Variants in COL4A4 observed in about 807,000 individuals in gnomAD.
The protein encoded by COL4A4 is collagen alpha-4(IV) chain.
Under a neutral mutation model 192.9 loss-of-function variants are expected in COL4A4, and 105 were observed. The observed-to-expected ratio is 0.54, with a 90% CI of 0.46 to 0.64. The LOEUF is 0.64. Among genes scored for constraint, COL4A4 ranks in the 30% least tolerant of loss-of-function variants. The probability of loss-of-function intolerance (pLI) is 0.00; values close to 1 mark genes in which losing one functional copy is unlikely to be tolerated. For synonymous variants in COL4A4, 762 were observed against 769.9 expected (o/e 0.99, Z 0.17); for missense variants, 1,967 against 2,169.3 (o/e 0.91, Z 1.85).
intron 47 of COL4A4, 35 bp from the exon 48 acceptor site, chr2:227,007,623 C>G: frequency 6.2e-7 from 1 of 1,611,906 alleles, no homozygotes; most frequent in Non-Finnish European, 8.5e-7. Flanking sequence ...AGGGCTCAGA[C>G]ACACACAGAC....
intron 23 of COL4A4, among the ~76,000 whole-genome samples, chr2:227,081,681 G>C (rs984170437): frequency 6.6e-6 from 1 of 151,980 alleles, no homozygotes; most frequent in Admixed American, 6.6e-5. Context: ...TCTGTCCCTG[G>C]GGAACTCTTA....
intron 6 of COL4A4, 118 bp from the exon 7 acceptor site, chr2:227,118,879 T>C: frequency 1.3e-6 from 1 of 751,368 alleles, no homozygotes; most frequent in Non-Finnish European, 2.3e-6. Flanking sequence ...TGTTTAGTTT[T>C]GTGAAACTTT....
intron 37 of COL4A4, among the ~76,000 whole-genome samples, chr2:227,034,417 G>C (rs1969112993): frequency 6.6e-6 from 1 of 152,126 alleles, no homozygotes; most frequent in Non-Finnish European, 1.5e-5. Context: ...TGAGCCATCT[G>C]CTGGGTGCCT....
intron 4 of COL4A4, among the ~76,000 whole-genome samples, chr2:227,135,606 C>T (rs2062759969): frequency 6.6e-6 from 1 of 151,950 alleles, no homozygotes; most frequent in Non-Finnish European, 1.5e-5. Flanking sequence ...GGCCTGACCA[C>T]CAGCTCAGCT....
chr2:226,998,275 T>A (rs1959985384), downstream of COL4A4: 2 of 152,246 alleles, frequency 1.3e-5, no homozygotes, highest in African/African-American at 4.8e-5. Context: ...AATTGCCTGC[T>A]GCAGTAAATA....
At chr2:227,155,168 G>T (rs2064236944) in intron 1 of COL4A4, among the ~76,000 whole-genome samples, 1 of 152,136 alleles carries the variant, frequency 6.6e-6, no homozygotes, top group Non-Finnish European at 1.5e-5. Context: ...GCTGGACTAT[G>T]GCCAAGCCCA....
rs370328730 is a variant in COL4A4 at position 227,033,396 on chromosome 2, G to C, written c.3577+14C>G. On this transcript the variant is annotated intron_variant, in intron 38 of 47. Coordinates refer to ENST00000396625, the MANE Select transcript of COL4A4 (RefSeq NM_000092.5). ...ACTGAAGCTCAGTCTGTTACGAATCGATTAGGTGCTTACCTGAAGCACCTT... is the reference window on the plus strand; with the variant it reads ...ACTGAAGCTCAGTCTGTTACGAATCCATTAGGTGCTTACCTGAAGCACCTT... 5.0e-6 allele frequency: 8 copies of C among 1,602,616 alleles called. No homozygotes were observed. Among genetic ancestry groups the C allele is most frequent in the Non-Finnish European group, 6.0e-6 (7 of 1,170,514 alleles).
At chr2:227,116,758 T>C (rs2061511476) in intron 7 of COL4A4, among the ~76,000 whole-genome samples, 1 of 152,180 alleles carries the variant, frequency 6.6e-6, no homozygotes, top group South Asian at 2.1e-4. Flanking sequence ...GATGACAGCG[T>C]CCTAGGTAAA....
intron 17 of COL4A4, 126 bp downstream of exon 17, chr2:227,101,378 A>G (rs1362907737): frequency 1.2e-6 from 1 of 802,712 alleles, no homozygotes; most frequent in African/African-American, 1.8e-5. Context: ...TGAATAAAAA[A>G]TTAACTGTAT....
the COL4A4 span, among the ~76,000 whole-genome samples, chr2:226,980,585 A>G: frequency 6.6e-6 from 1 of 152,316 alleles, no homozygotes; most frequent in African/African-American, 2.4e-5. Flanking sequence ...TCCTGGATGC[A>G]TCTCATACAC....
At chr2:227,013,266 C>T (rs201413338) in intron 44 of COL4A4, among the ~76,000 whole-genome samples, 1 of 152,094 alleles carries the variant, frequency 6.6e-6, no homozygotes, top group Non-Finnish European at 1.5e-5. Flanking sequence ...TTTCTATTCT[C>T]TTTCTCTCTT....
At chr2:226,979,983 C>T in the COL4A4 span, among the ~76,000 whole-genome samples, 1 of 151,920 alleles carries the variant, frequency 6.6e-6, no homozygotes, top group African/African-American at 2.4e-5. Context: ...GGGGACAGGA[C>T]GAGTGGAAGA....
chr2:227,052,549 A>C, intron 31 of COL4A4, 137 bp from the exon 32 acceptor site: 1 of 685,532 alleles, frequency 1.5e-6, no homozygotes, highest in Non-Finnish European at 2.7e-6. Flanking sequence ...ACAAAATGTC[A>C]CCATTGTTGG....
intron 1 of COL4A4, among the ~76,000 whole-genome samples, chr2:227,163,758 G>A (rs2065050477): frequency 6.6e-6 from 1 of 152,164 alleles, no homozygotes; most frequent in African/African-American, 2.4e-5. Context: ...CTTTCTCTTG[G>A]CATTTTGGAG....
At chr2:227,049,626 A>G (rs147491083) in intron 34 of COL4A4, among the ~76,000 whole-genome samples, 1 of 152,392 alleles carries the variant, frequency 6.6e-6, no homozygotes, top group African/African-American at 2.4e-5. Flanking sequence ...ACCTGCTGGA[A>G]AGTCATGGCT....
chr2:227,125,477 G>A (rs1484012075), intron 4 of COL4A4, among the ~76,000 whole-genome samples: 2 of 151,908 alleles, frequency 1.3e-5, no homozygotes, highest in African/African-American at 2.4e-5. Flanking sequence ...CCAAAGTGCT[G>A]GGATTACAGG....
intron 37 of COL4A4, among the ~76,000 whole-genome samples, chr2:227,035,172 A>C (rs1039406823): frequency 1.3e-5 from 2 of 152,098 alleles, no homozygotes; most frequent in African/African-American, 4.8e-5. Flanking sequence ...GGTCCTATGG[A>C]TGTGTTCAAT....
chr2:227,137,083 T>C (rs1344880287), intron 4 of COL4A4, among the ~76,000 whole-genome samples: 1 of 152,202 alleles, frequency 6.6e-6, no homozygotes, highest in Admixed American at 6.5e-5. Flanking sequence ...ACAGGCTCCC[T>C]GTTGTGGCAC....
chr2:227,113,230 G>GTT lies in COL4A4; in HGVS notation c.558+1396_558+1397dup, dbSNP rs547142068. On this transcript the variant is annotated intron_variant, in intron 8 of 47. Coordinates refer to ENST00000396625, the MANE Select transcript of COL4A4 (RefSeq NM_000092.5). ...GTAGTTGCCAACAATTGCTAGATTTGTTTTTTTTATCATAGCCATTAGAAT... is the reference window on the plus strand; with the variant it reads ...GTAGTTGCCAACAATTGCTAGATTTGTTTTTTTTTTATCATAGCCATTAGAAT... 3.3e-3 allele frequency among the ~76,000 whole-genome samples: 500 copies of GTT among 152,026 alleles called. 3 individuals carry two copies. Among genetic ancestry groups the GTT allele is most frequent in the African/African-American group, 0.012 (478 of 41,468 alleles).
Sources: allele counts gnomAD v4.1 joint callset (sites outside exome capture counted in the v4.1 genomes callset), GRCh38; gene constraint gnomAD v4.1.1; transcripts MANE v1.5; gene names NCBI Gene and HGNC (gene_info 2026-07-23, HGNC 2026-07-21).